Variants in ZMAT5 observed in about 807,000 individuals in gnomAD.
ZMAT5 encodes zinc finger matrin-type 5, also known as zinc finger matrin-type protein 5.
A neutral mutation model predicts 28.0 loss-of-function variants in ZMAT5; 23 were observed. The ratio of observed to expected loss-of-function variants is 0.82; its 90% confidence interval spans 0.59 to 1.16. The LOEUF (loss-of-function observed/expected upper bound fraction) is 1.16, where lower values mean the gene tolerates loss of function less well. Among genes scored for constraint, ZMAT5 ranks in the 50% most tolerant of loss-of-function variants. The probability of loss-of-function intolerance (pLI) is 0.00; values close to 1 mark genes in which losing one functional copy is unlikely to be tolerated. For synonymous variants in ZMAT5, 76 were observed against 84.1 expected, an observed-to-expected ratio of 0.90 and a Z score of 0.52; for missense variants, 173 against 212.7, an observed-to-expected ratio of 0.81 and a Z score of 1.16.
In ZMAT5 at chr22:29,763,190, G is replaced by C. The variant is rs2068174218; in HGVS notation, c.-28+3682C>G. Among the ~76,000 whole-genome samples the C allele has an allele frequency of 2.0e-5, 3 of 152,000 alleles. No individual in the cohort carries two copies. In the South Asian group the frequency reaches 6.2e-4, roughly 32 times the overall value. The stretch of plus-strand genomic sequence containing the variant: ...TGCCTGTAATCCCAGTTACTCGGGA[G>C]GCTGAGAGAACAGAATCACTTGAAC... On this transcript the variant is annotated intron_variant, in intron 1 of 5. Coordinates refer to ENST00000344318, the MANE Select transcript of ZMAT5 (RefSeq NM_001003692.2).
intron 1 of ZMAT5, among the ~76,000 whole-genome samples, chr22:29,757,971 C>G: frequency 6.6e-6 from 1 of 151,542 alleles, no homozygotes; most frequent in East Asian, 2.0e-4. Context: ...GAGCCGAGAT[C>G]GCCACTGCAC....
At chr22:29,738,238 T>C in intron 5 of ZMAT5, 92 bp downstream of exon 5, 2 of 1,249,120 alleles carry the variant, frequency 1.6e-6, no homozygotes, top group Non-Finnish European at 2.3e-6. Context: ...GCCTGGGCAG[T>C]TCATGGAGAT....
chr22:29,747,629 C>A (rs2147226548), intron 2 of ZMAT5: 2 of 153,210 alleles, frequency 1.3e-5, no homozygotes, highest in South Asian at 4.1e-4. Context: ...CTGGAACCTC[C>A]CTGGCTGTTC....
chr22:29,759,563 A>G (rs999051567), intron 1 of ZMAT5, among the ~76,000 whole-genome samples: 1 of 152,194 alleles, frequency 6.6e-6, no homozygotes, highest in African/African-American at 2.4e-5. Flanking sequence ...TCACGAGTTC[A>G]ATACCAGCCT....
At chr22:29,750,850 AG>A (rs1000838142) in intron 1 of ZMAT5, among the ~76,000 whole-genome samples, 4 of 152,200 alleles carry the variant, frequency 2.6e-5, no homozygotes, top group African/African-American at 9.6e-5. Context: ...ACAGCCAAGC[AG>A]GTTGATGGAG....
Position 29,748,425 on chromosome 22 carries a change from C to T in ZMAT5, c.120G>A (p.Met40Ile), listed in dbSNP as rs545999964. Reference sequence around the variant, plus strand: ...CCAGCCAGCGGCACCCACCTCGGAACATGTCGTACCAGACCTTCTTGGCCT... The same window carrying T: ...CCAGCCAGCGGCACCCACCTCGGAATATGTCGTACCAGACCTTCTTGGCCT... ...HLKAKKVWYDMFRDAAAILLD... is the reference protein window; with the variant it reads ...HLKAKKVWYDIFRDAAAILLD... The change falls in exon 2 of 6, where the codon ATG becomes ATA. Residue 40 changes from methionine (M) to isoleucine (I), a missense_variant. By Grantham distance (10) the Met-to-Ile change is conservative. Coordinates refer to ENST00000344318, the MANE Select transcript of ZMAT5 (RefSeq NM_001003692.2). 17 of 1,614,250 alleles carry T rather than the reference C, an allele frequency of 1.1e-5. No individual in the cohort carries two copies. Among genetic ancestry groups the T allele is most frequent in the East Asian group, 2.2e-5 (1 of 44,880 alleles).
chr22:29,740,605 C>T, intron 4 of ZMAT5, 45 bp downstream of exon 4: 1 of 1,550,698 alleles, frequency 6.4e-7, no homozygotes, highest in Non-Finnish European at 8.8e-7. Context: ...GCCCACATGC[C>T]CCAGCACCCC....
chr22:29,733,182 C>T (rs1854246902), intron 5 of ZMAT5, among the ~76,000 whole-genome samples: 1 of 152,228 alleles, frequency 6.6e-6, no homozygotes, highest in Non-Finnish European at 1.5e-5. Flanking sequence ...ACTTCAGCTC[C>T]CTCTGCTCTG....
intron 5 of ZMAT5, among the ~76,000 whole-genome samples, chr22:29,737,738 C>A: frequency 6.6e-6 from 1 of 152,012 alleles, no homozygotes; most frequent in Admixed American, 6.6e-5. Flanking sequence ...GAATATCACC[C>A]GAGGCCCTTC....
chr22:29,740,591 C>A, intron 4 of ZMAT5, 59 bp downstream of exon 4: 1 of 1,518,820 alleles, frequency 6.6e-7, no homozygotes, highest in Non-Finnish European at 9.0e-7. Context: ...TCCCCGGTCT[C>A]AGAGCCCACA....
chr22:29,732,581 C>T (rs1375294796), intron 5 of ZMAT5, among the ~76,000 whole-genome samples: 1 of 150,410 alleles, frequency 6.6e-6, no homozygotes, highest in Non-Finnish European at 1.5e-5. Flanking sequence ...ACTAAAAGTA[C>T]AAAAAAAAAT....
Position 29,748,421 on chromosome 22 carries a change from G to A in ZMAT5, c.124C>T (p.Arg42Ter), listed in dbSNP as rs772045799. The change falls in exon 2 of 6, where the codon CGA (arginine) becomes TGA (stop). Residue 42 changes from arginine to a stop codon, truncating the protein, a stop_gained. Transcript: ENST00000344318. LOFTEE classifies it high-confidence loss of function. ...KAKKVWYDMF[R>*]DAAAILLDEQ... ...GCCCCCAGCCAGCGGCACCCACCTC[G>A]GAACATGTCGTACCAGACCTTCTTG... is the stretch of plus-strand genomic sequence containing the variant. 62 of 1,614,082 alleles carry A rather than the reference G, an allele frequency of 3.8e-5. No individual in the cohort carries two copies. The highest frequency in any genetic ancestry group is 1.6e-4 in the Middle Eastern group (1 of 6,084).
intron 5 of ZMAT5, among the ~76,000 whole-genome samples, chr22:29,732,495 T>G (rs1225465426): frequency 6.6e-6 from 1 of 152,084 alleles, no homozygotes; most frequent in Non-Finnish European, 1.5e-5. Flanking sequence ...CCCAGCGCTT[T>G]GGGAGGCCAA....
chr22:29,738,267 G>C, intron 5 of ZMAT5, 63 bp downstream of exon 5: 1 of 1,456,968 alleles, frequency 6.9e-7, no homozygotes, highest in Non-Finnish European at 9.5e-7. Context: ...CTCAGGAAGG[G>C]GAAGGCGGGC....
intron 3 of ZMAT5, 68 bp downstream of exon 3, chr22:29,742,350 A>C: frequency 6.6e-7 from 1 of 1,521,958 alleles, no homozygotes; most frequent in Non-Finnish European, 9.1e-7. Context: ...CACTCTGCAG[A>C]GGTCCAAGTG....
At chr22:29,738,672 A>G (rs1452959963) in intron 4 of ZMAT5, among the ~76,000 whole-genome samples, 2 of 152,034 alleles carry the variant, frequency 1.3e-5, no homozygotes, top group Non-Finnish European at 2.9e-5. Flanking sequence ...GCTGCCTCCA[A>G]GCTCTTGGGG....
At chr22:29,733,607 CG>C (rs2067874981) in intron 5 of ZMAT5, among the ~76,000 whole-genome samples, 2 of 152,174 alleles carry the variant, frequency 1.3e-5, no homozygotes, top group African/African-American at 4.8e-5. Context: ...GCAGAGAAGG[CG>C]GGGAGGCTCC....
chr22:29,764,268 C>T (rs1339317336), intron 1 of ZMAT5, among the ~76,000 whole-genome samples: 2 of 152,224 alleles, frequency 1.3e-5, no homozygotes, highest in Non-Finnish European at 2.9e-5. Context: ...ATTAGCAAGA[C>T]CTAAGTAGTC....
Position 29,763,153 on chromosome 22 carries a change from C to T in ZMAT5, c.-28+3719G>A, listed in dbSNP as rs546100808. Among the ~76,000 whole-genome samples, 258 of 151,858 alleles carry T rather than the reference C, an allele frequency of 1.7e-3. 2 individuals carry two copies. Among genetic ancestry groups the T allele is most frequent in the African/African-American group, 2.4e-3 (101 of 41,386 alleles). ...ACTAAAAATACAAAAATTATCCGGG[C>T]GTGGTGGCAGGTGCCTGTAATCCCA... On this transcript the variant is annotated intron_variant, in intron 1 of 5. Coordinates refer to ENST00000344318, the MANE Select transcript of ZMAT5 (RefSeq NM_001003692.2).
Sources: gnomAD v4.1 joint callset for allele counts (sites outside exome capture counted in the v4.1 genomes callset) on GRCh38, gnomAD v4.1.1 for gene constraint, MANE v1.5 for transcripts, NCBI Gene and HGNC (gene_info 2026-07-23, HGNC 2026-07-21) for gene names.